The following CFAP54 variants were observed in gnomAD, a reference collection of about 807,000 sequenced individuals.
CFAP54 encodes the protein cilia- and flagella-associated protein 54.
Under a neutral mutation model 370.4 loss-of-function variants are expected in CFAP54, and 290 were observed. The observed-to-expected ratio is 0.78, with a 90% CI of 0.71 to 0.86. The LOEUF is 0.86. Ranked by LOEUF, CFAP54 falls within the 40% of genes least tolerant of loss-of-function variation. The pLI is 0.00. For missense variants in CFAP54, 3,399 were observed against 3,528.7 expected (o/e 0.96, Z 0.93); for synonymous variants, 1,206 against 1,236.5 (o/e 0.98, Z 0.52).
rs191803917 is a variant in CFAP54 at position 96,667,964 on chromosome 12, A to T, written c.5563+4032A>T. Among the ~76,000 whole-genome samples, 119 of 152,298 alleles carry T rather than the reference A, an allele frequency of 7.8e-4. 1 individual carries two copies. The highest frequency in any genetic ancestry group is 3.4e-3 in the Middle Eastern group (1 of 294). On this transcript the variant is annotated intron_variant, in intron 39 of 67. Coordinates refer to ENST00000524981, the MANE Select transcript of CFAP54 (RefSeq NM_001306084.2). ...CACAGATCTCTAGGGCAGGGGCAAA[A>T]TGCTGCCAGTCTCTTTGCATAGCAA...
At chr12:96,699,195 A>G (rs1370976670) in intron 45 of CFAP54, among the ~76,000 whole-genome samples, 1 of 152,194 alleles carries the variant, frequency 6.6e-6, no homozygotes, top group Non-Finnish European at 1.5e-5. Context: ...CTCGCCTGCA[A>G]TCAGTCTGAT....
At position 96,815,875 on chromosome 12, in the gene CFAP54, T is replaced by C. The variant is rs570125265; in HGVS notation, c.8958-1900T>C. ...TTGTTGAAGATCAAATGGTTGTAGATGTGTGGTGTTATTTCTGGGTTCTCT... is the reference window on the plus strand; with the variant it reads ...TTGTTGAAGATCAAATGGTTGTAGACGTGTGGTGTTATTTCTGGGTTCTCT... On this transcript the variant is annotated intron_variant, in intron 64 of 67. Coordinates refer to ENST00000524981, the MANE Select transcript of CFAP54 (RefSeq NM_001306084.2). Among the ~76,000 whole-genome samples the C allele has an allele frequency of 1.8e-4, 28 of 152,274 alleles. No individual in the cohort carries two copies. In the South Asian group the frequency reaches 5.6e-3, roughly 30 times the overall value.
intron 50 of CFAP54, among the ~76,000 whole-genome samples, chr12:96,729,421 G>A (rs1012258062): frequency 5.9e-5 from 9 of 152,224 alleles, no homozygotes; most frequent in African/African-American, 2.2e-4. Flanking sequence ...CTGCCTTGCA[G>A]TTTGATCTCA....
intron 35 of CFAP54, 76 bp downstream of exon 35, chr12:96,650,148 G>A: frequency 8.1e-7 from 1 of 1,241,984 alleles, no homozygotes; most frequent in Non-Finnish European, 1.1e-6. Flanking sequence ...AAGATACATT[G>A]TGTTTATTTT....
At chr12:96,645,831 C>G (rs1421261927) in intron 33 of CFAP54, 17 of 151,632 alleles carry the variant, frequency 1.1e-4, no homozygotes, top group Admixed American at 8.5e-4. Flanking sequence ...ACAAACCTGA[C>G]AAAAACAAAA....
intron 67 of CFAP54, among the ~76,000 whole-genome samples, chr12:96,868,504 AT>A (rs1212527160): frequency 5.4e-5 from 8 of 147,880 alleles, no homozygotes; most frequent in East Asian, 2.0e-4. Flanking sequence ...ATTTTTGTGA[AT>A]TTTTTTTTAC....
chr12:96,633,912 G>T (rs1176649223), intron 32 of CFAP54, among the ~76,000 whole-genome samples: 2 of 151,964 alleles, frequency 1.3e-5, no homozygotes, highest in African/African-American at 4.8e-5. Flanking sequence ...GTATATGAGT[G>T]ATCTAGTTTC....
In CFAP54 at chr12:96,828,191, G is replaced by A. The variant is rs114531642; in HGVS notation, c.9097-823G>A. Among the ~76,000 whole-genome samples, 823 of 149,918 alleles carry A rather than the reference G, an allele frequency of 5.5e-3. 11 individuals carry two copies. The highest frequency in any genetic ancestry group is 0.019 in the African/African-American group (761 of 40,704). On this transcript the variant is annotated intron_variant, in intron 65 of 67. Transcript: ENST00000524981. ...CAATTATGTAGTTATGACTTCTTCA[G>A]TTGTAAGTGAGGAAAAAACTACTTA...
intron 66 of CFAP54, among the ~76,000 whole-genome samples, chr12:96,847,156 A>T (rs1042507584): frequency 6.6e-6 from 1 of 152,184 alleles, no homozygotes; most frequent in Non-Finnish European, 1.5e-5. Flanking sequence ...CAATTTATAA[A>T]GGATACAGGA....
chr12:96,657,383 C>A lies in CFAP54; in HGVS notation c.5101-499C>A, dbSNP rs78440673. On this transcript the variant is annotated intron_variant, in intron 36 of 67. Coordinates refer to ENST00000524981, the MANE Select transcript of CFAP54 (RefSeq NM_001306084.2). ...TGTATAAATTAACGAATGTAACCAACGTATTAGGGAACTTCATTATGTGTT... is the reference window on the plus strand; with the variant it reads ...TGTATAAATTAACGAATGTAACCAAAGTATTAGGGAACTTCATTATGTGTT... Among the ~76,000 whole-genome samples the A allele has an allele frequency of 2.6e-5, 4 of 152,212 alleles. No homozygotes were observed. The East Asian group carries it at 7.7e-4, about 29-fold the overall frequency.
rs1450969171 is a variant in CFAP54, at chr12:96,589,548, C to T, written c.3197C>T (p.Thr1066Ile). The change falls in exon 23 of 68, where the codon ACT (threonine) becomes ATT (isoleucine). Residue 1066 changes from threonine to isoleucine, a missense_variant. Physicochemically the swap from Thr to Ile is moderately conservative, Grantham distance 89 (BLOSUM62 -1). This residue lies in a region of CFAP54 where 2,796 missense variants were observed against 2,869.7 expected (regional missense o/e 0.97). Coordinates refer to ENST00000524981, the MANE Select transcript of CFAP54 (RefSeq NM_001306084.2). ...QSVICLSNII[T>I]ITQRRLHSDI... is the part of the protein sequence containing the mutation. ...GTTATTTGTTTAAGCAATATAATTA[C>T]TATTACACAAAGAAGGTAATTAGAA... 4 of 1,451,504 alleles carry T rather than the reference C, an allele frequency of 2.8e-6. No individual in the cohort carries two copies. Among genetic ancestry groups the T allele is most frequent in the Non-Finnish European group, 3.7e-6 (4 of 1,073,886 alleles). The allele number at this position is 1,451,504 out of a possible 1,614,324, so 89.9% of individuals were successfully genotyped here. A position where few individuals can be genotyped will look rare whatever the true frequency, so the allele number is the denominator to read the frequency against.
At chr12:96,692,463 C>T (rs1957398333) in intron 44 of CFAP54, among the ~76,000 whole-genome samples, 1 of 152,040 alleles carries the variant, frequency 6.6e-6, no homozygotes, top group Non-Finnish European at 1.5e-5. Flanking sequence ...GAGCAATTGG[C>T]AGCAATAAAA....
intron 9 of CFAP54, among the ~76,000 whole-genome samples, chr12:96,529,187 G>T (rs1955414332): frequency 6.6e-6 from 1 of 152,222 alleles, no homozygotes; most frequent in African/African-American, 2.4e-5. Context: ...GACCAGCTTT[G>T]GTAAATAGTC....
At chr12:96,493,081 A>T (rs934234956) in intron 1 of CFAP54, among the ~76,000 whole-genome samples, 1 of 152,224 alleles carries the variant, frequency 6.6e-6, no homozygotes, top group African/African-American at 2.4e-5. Context: ...CCAGTCTATA[A>T]GTACAGAATC....
At chr12:96,567,483 G>A (rs1955874827) in intron 19 of CFAP54, among the ~76,000 whole-genome samples, 1 of 152,102 alleles carries the variant, frequency 6.6e-6, no homozygotes, top group Non-Finnish European at 1.5e-5. Flanking sequence ...GGTGGTCTGA[G>A]ATCACAAGGC....
At chr12:96,624,550 A>G (rs1956531197) in intron 28 of CFAP54, among the ~76,000 whole-genome samples, 2 of 152,188 alleles carry the variant, frequency 1.3e-5, no homozygotes, top group Non-Finnish European at 2.9e-5. Context: ...GCAGCCTGGA[A>G]GGTTACTTGG....
intron 6 of CFAP54, among the ~76,000 whole-genome samples, chr12:96,520,097 G>A (rs1955287379): frequency 6.6e-6 from 1 of 151,966 alleles, no homozygotes. Context: ...GTCTGATCAC[G>A]GCTCACTGCA....
At chr12:96,753,955 C>A in intron 56 of CFAP54, 57 bp downstream of exon 56, 1 of 1,550,374 alleles carries the variant, frequency 6.5e-7, no homozygotes, top group Non-Finnish European at 8.8e-7. Context: ...TTTTTTCTGT[C>A]AACAACAGGA....
intron 60 of CFAP54, among the ~76,000 whole-genome samples, chr12:96,768,824 G>A (rs868685117): frequency 1.1e-4 from 16 of 152,318 alleles, no homozygotes; most frequent in Middle Eastern, 3.4e-3. Flanking sequence ...AGTTAATTAA[G>A]AGCGTTGTTT....
Sources: allele counts gnomAD v4.1 joint callset (sites outside exome capture counted in the v4.1 genomes callset), GRCh38; gene constraint gnomAD v4.1.1; regional missense constraint gnomAD v4.1.1; transcripts MANE v1.5; gene names NCBI Gene and HGNC (gene_info 2026-07-23, HGNC 2026-07-21).